CDKL3: variants seen among roughly 807,000 people sequenced by gnomAD.
CDKL3 encodes cyclin-dependent kinase-like 3.
In CDKL3, 65 loss-of-function variants were observed where a neutral mutation model predicts 69.3. That is an observed-to-expected ratio of 0.94 (90% CI 0.77 to 1.15). The LOEUF (loss-of-function observed/expected upper bound fraction) is 1.15, where lower values mean the gene tolerates loss of function less well. Ranked by LOEUF, CDKL3 falls within the 50% of genes most tolerant of loss-of-function variation. The pLI, the probability that CDKL3 is intolerant of heterozygous loss-of-function variation, is 0.00. For missense variants in CDKL3, 652 were observed against 689.2 expected, an observed-to-expected ratio of 0.95 and a Z score of 0.61; for synonymous variants, 202 against 221.6, an observed-to-expected ratio of 0.91 and a Z score of 0.79.
intron 4 of CDKL3, among the ~76,000 whole-genome samples, chr5:134,323,287 C>T (rs1039652096): frequency 6.6e-6 from 1 of 152,028 alleles, no homozygotes; most frequent in South Asian, 2.1e-4. Context: ...TATATATATA[C>T]CTCAAAACAT....
rs1219009091 is a variant in CDKL3, at chr5:134,366,935, G to A, written c.-22+42C>T. Reference sequence around the variant, plus strand: ...GGCCCAAGGTCCTAAAAAAAGCCTGGTCTCGCCCGCAACTCAAACCACACG... The same window carrying A: ...GGCCCAAGGTCCTAAAAAAAGCCTGATCTCGCCCGCAACTCAAACCACACG... On this transcript the variant is annotated intron_variant, in intron 1 of 12. Transcript: ENST00000265334. 5.0e-6 allele frequency: 5 copies of A among 990,942 alleles called. No homozygotes were observed. In the East Asian group the frequency reaches 5.6e-4, roughly 111 times the overall value. 61.4% of individuals were successfully genotyped at this position (990,942 alleles called of 1,614,324 possible).
upstream of CDKL3, among the ~76,000 whole-genome samples, chr5:134,368,357 G>T (rs781243417): frequency 1.3e-5 from 2 of 152,184 alleles, no homozygotes; most frequent in Admixed American, 6.5e-5. Flanking sequence ...AGTGGCTAAC[G>T]CCTGTAATCC....
chr5:134,295,915 T>C (rs974671727), downstream of CDKL3, among the ~76,000 whole-genome samples: 1 of 152,070 alleles, frequency 6.6e-6, no homozygotes, highest in African/African-American at 2.4e-5. Flanking sequence ...TTTATTTTTT[T>C]AGATGGAGTC....
At chr5:134,285,060 C>T (rs1580739902), downstream of CDKL3, among the ~76,000 whole-genome samples, 1 of 152,220 alleles carries the variant, frequency 6.6e-6, no homozygotes, top group African/African-American at 2.4e-5. Context: ...GATAAATGTC[C>T]ATGAAATCTT....
chr5:134,371,560 T>G, upstream of CDKL3: 1 of 1,609,296 alleles, frequency 6.2e-7, no homozygotes, highest in South Asian at 1.1e-5. Flanking sequence ...GCGGGACTTT[T>G]TTTTTTTCAG....
chr5:134,299,049 T>G (rs537794298), intron 12 of CDKL3, among the ~76,000 whole-genome samples: 4 of 152,234 alleles, frequency 2.6e-5, no homozygotes, highest in African/African-American at 9.6e-5. Context: ...ATTTTTTGCA[T>G]TTTTAGTAGA....
intron 12 of CDKL3, among the ~76,000 whole-genome samples, chr5:134,300,596 T>C (rs2149414574): frequency 6.6e-6 from 1 of 152,326 alleles, no homozygotes; most frequent in Middle Eastern, 3.4e-3. Flanking sequence ...TTTCAGTCAC[T>C]TGTCAGAGCT....
chr5:134,305,350 G>T (rs1343076659), intron 10 of CDKL3, among the ~76,000 whole-genome samples: 1 of 152,104 alleles, frequency 6.6e-6, no homozygotes, highest in Non-Finnish European at 1.5e-5. Flanking sequence ...CTGGGATCAA[G>T]CAATCCTCCC....
intron 7 of CDKL3, among the ~76,000 whole-genome samples, chr5:134,311,540 A>G (rs570573592): frequency 2.0e-5 from 3 of 152,302 alleles, no homozygotes; most frequent in Admixed American, 2.0e-4. Flanking sequence ...GCAACAGAGA[A>G]TAAGTAGAAA....
intron 2 of CDKL3, among the ~76,000 whole-genome samples, chr5:134,362,996 A>G (rs918743557): frequency 2.6e-5 from 4 of 152,210 alleles, no homozygotes; most frequent in South Asian, 2.1e-4. Flanking sequence ...AATTATCTGC[A>G]TAACAGTTGT....
intron 4 of CDKL3, among the ~76,000 whole-genome samples, chr5:134,334,476 T>C (rs909217042): frequency 2.6e-5 from 4 of 152,238 alleles, no homozygotes; most frequent in Non-Finnish European, 5.9e-5. Context: ...CTATATACAC[T>C]GCTTTTGCTG....
At chr5:134,295,841 A>T (rs924105918), downstream of CDKL3, among the ~76,000 whole-genome samples, 2 of 152,208 alleles carry the variant, frequency 1.3e-5, no homozygotes, top group Non-Finnish European at 2.9e-5. Flanking sequence ...ACAAGTCTGT[A>T]CCACATAGAA....
rs561059340 is a variant in CDKL3 at position 134,309,271 on chromosome 5, G to A, written c.882-544C>T. Reference sequence around the variant, plus strand: ...CTAATTTTGTATTTTTAGTAGAGACGCGGTTTCTCCATGTTGGTCAGGCTG... The same window carrying A: ...CTAATTTTGTATTTTTAGTAGAGACACGGTTTCTCCATGTTGGTCAGGCTG... On this transcript the variant is annotated intron_variant, in intron 7 of 12. Coordinates refer to ENST00000265334, the MANE Select transcript of CDKL3 (RefSeq NM_001113575.2). Among the ~76,000 whole-genome samples the A allele has an allele frequency of 1.5e-4, 23 of 152,134 alleles. No homozygotes were observed. The East Asian group carries it at 3.7e-3, about 24-fold the overall frequency.
At chr5:134,316,583 C>T (rs73289824) in intron 6 of CDKL3, among the ~76,000 whole-genome samples, 20,973 of 149,214 alleles carry the variant, frequency 0.14, 1,797 homozygotes, top group African/African-American at 0.23. Context: ...GGTGACAGAG[C>T]GAGACTCCAT....
chr5:134,304,465 C>T lies in CDKL3; in HGVS notation c.1561G>A (p.Glu521Lys). ...ACAGGCAATTCTGGAAAATGGAATT[C>T]TTTCCTGTCAGATCTGGAAAAATTC... ...KLNFSRSDRK[E>K]FHFPELPVTI... The change falls in exon 11 of 13, where the codon GAA becomes AAA. Residue 521 changes from glutamate (E) to lysine (K), a missense_variant. Glu to Lys is a moderately conservative substitution (Grantham distance 56, BLOSUM62 1). Transcript: ENST00000265334. 6.2e-7 allele frequency: 1 copy of T among 1,612,910 alleles called. No individual in the cohort carries two copies. Among genetic ancestry groups the T allele is most frequent in the Middle Eastern group, 1.7e-4 (1 of 6,060 alleles).
chr5:134,351,130 A>T (rs1753202209), intron 3 of CDKL3, among the ~76,000 whole-genome samples: 1 of 152,174 alleles, frequency 6.6e-6, no homozygotes, highest in South Asian at 2.1e-4. Context: ...TTCATAGCAT[A>T]AAAAAATGCC....
chr5:134,308,497 T>C (rs2149443815), intron 8 of CDKL3, 31 bp from the exon 9 acceptor site: 1 of 1,562,442 alleles, frequency 6.4e-7, no homozygotes, highest in East Asian at 2.2e-5. Flanking sequence ...ATCTGAGTCA[T>C]CATAACAGTT....
intron 3 of CDKL3, among the ~76,000 whole-genome samples, chr5:134,352,253 C>T (rs1312412231): frequency 6.6e-6 from 1 of 151,598 alleles, no homozygotes; most frequent in South Asian, 2.1e-4. Context: ...ATTGTGTATA[C>T]ATACTACATT....
intron 4 of CDKL3, among the ~76,000 whole-genome samples, chr5:134,342,289 T>C (rs1292047440): frequency 1.3e-5 from 2 of 152,166 alleles, no homozygotes; most frequent in Non-Finnish European, 2.9e-5. Flanking sequence ...CTTTGAAAAC[T>C]ACAAAACATT....
Sources: allele counts gnomAD v4.1 joint callset (sites outside exome capture counted in the v4.1 genomes callset), GRCh38; gene constraint gnomAD v4.1.1; transcripts MANE v1.5; gene names NCBI Gene and HGNC (gene_info 2026-07-23, HGNC 2026-07-21).